The following RERE variants were observed in gnomAD, a reference collection of about 807,000 sequenced individuals.
RERE encodes arginine-glutamic acid dipeptide repeats protein.
A neutral mutation model predicts 146.1 loss-of-function variants in RERE; 40 were observed. That is an observed-to-expected ratio of 0.27 (90% confidence interval 0.21 to 0.36). The LOEUF (loss-of-function observed/expected upper bound fraction) is 0.36. Ranked by LOEUF, RERE falls within the 10% of genes least tolerant of loss-of-function variation. RERE has a pLI of 1.00. For synonymous variants in RERE, 1,003 were observed against 866.0 expected, an observed-to-expected ratio of 1.16 and a Z score of -2.78; for missense variants, 1,933 against 2,138.7, an observed-to-expected ratio of 0.90 and a Z score of 1.90.
intron 1 of RERE, among the ~76,000 whole-genome samples, chr1:8,754,288 T>C (rs1640593801): frequency 6.6e-6 from 1 of 152,094 alleles, no homozygotes; most frequent in East Asian, 1.9e-4. Flanking sequence ...TTGCAGAGTA[T>C]GTGTGTTCAA....
intron 1 of RERE, among the ~76,000 whole-genome samples, chr1:8,684,434 C>T (rs868309060): frequency 4.6e-5 from 7 of 152,014 alleles, no homozygotes; most frequent in Non-Finnish European, 1.0e-4. Context: ...ACCCCGCCCT[C>T]CTCTCATATG....
In RERE at chr1:8,355,305, G is replaced by A. The variant is rs549666374; in HGVS notation, c.4667+114C>T. ...TCTCCCATCACCATGGTTCCACAAT[G>A]TCCCCTCCAGGGCCCAGCAGGCAGA... On this transcript the variant is annotated intron_variant, in intron 22 of 22. Transcript: ENST00000400908. 17 of 1,242,178 alleles carry A rather than the reference G, an allele frequency of 1.4e-5. No homozygotes were observed. In the South Asian group the frequency reaches 1.9e-4, roughly 14 times the overall value. 76.9% of individuals were successfully genotyped at this position (1,242,178 alleles called of 1,614,324 possible).
At chr1:8,575,521 A>C (rs1646280582) in intron 4 of RERE, among the ~76,000 whole-genome samples, 1 of 142,512 alleles carries the variant, frequency 7.0e-6, no homozygotes, top group Non-Finnish European at 1.5e-5. Flanking sequence ...GTGCCACCAC[A>C]CCTGGCTAAT....
At chr1:8,476,584 G>A (rs778963227) in intron 10 of RERE, among the ~76,000 whole-genome samples, 17 of 152,202 alleles carry the variant, frequency 1.1e-4, no homozygotes, top group Non-Finnish European at 1.6e-4. Flanking sequence ...AAAGCTGATG[G>A]GGATGACATT....
At chr1:8,795,224 T>A (rs201869823) in intron 1 of RERE, among the ~76,000 whole-genome samples, 1 of 151,886 alleles carries the variant, frequency 6.6e-6, no homozygotes, top group South Asian at 2.1e-4. Context: ...TGGGGTTTCA[T>A]CATGTTGGCC....
At chr1:8,381,139 G>T (rs1004201795) in intron 12 of RERE, 2 of 380,994 alleles carry the variant, frequency 5.2e-6, no homozygotes, top group Non-Finnish European at 5.3e-6. Flanking sequence ...TTTCCGATGC[G>T]CCTGTTTCCA....
At chr1:8,577,756 T>A (rs992940729) in intron 4 of RERE, among the ~76,000 whole-genome samples, 1 of 152,182 alleles carries the variant, frequency 6.6e-6, no homozygotes, top group Non-Finnish European at 1.5e-5. Context: ...TCACTACATC[T>A]TATTCATTGT....
chr1:8,359,732 C>G lies in RERE; in HGVS notation c.3618+32G>C, dbSNP rs145738504. ...TCCCAGGCGCAGGATGGACCAGCGC[C>G]CCCCGTCACACCTCGCCAACCCTGG... On this transcript the variant is annotated intron_variant, in intron 19 of 22. Transcript: ENST00000400908. The G allele has an allele frequency of 5.6e-4, 897 of 1,594,528 alleles. 7 individuals are homozygous for G. The African/African-American group carries it at 0.011, about 19-fold the overall frequency.
At chr1:8,486,755 T>TAA (rs33956517) in intron 10 of RERE, among the ~76,000 whole-genome samples, 69,747 of 121,812 alleles carry the variant, frequency 0.57, 20,036 homozygotes, top group East Asian at 0.78. Flanking sequence ...GAGTCCATCT[T>TAA]AAAAAAAAAA....
intron 12 of RERE, among the ~76,000 whole-genome samples, chr1:8,399,767 T>A (rs149780225): frequency 3.9e-5 from 6 of 151,916 alleles, no homozygotes; most frequent in African/African-American, 4.8e-5. Context: ...TATCTACGTC[T>A]TTTTTTTAGG....
At chr1:8,764,378 CG>C (rs1557528406) in intron 1 of RERE, among the ~76,000 whole-genome samples, 7 of 152,096 alleles carry the variant, frequency 4.6e-5, no homozygotes, top group Non-Finnish European at 1.0e-4. Flanking sequence ...AATACTGCTT[CG>C]GGTACTAACT....
intron 9 of RERE, 85 bp downstream of exon 9, chr1:8,497,320 T>C: frequency 6.9e-7 from 1 of 1,456,758 alleles, no homozygotes; most frequent in Non-Finnish European, 9.4e-7. Flanking sequence ...AGAAATAAAA[T>C]CTCAGGGGAA....
chr1:8,676,784 G>A (rs1038166359), intron 1 of RERE, among the ~76,000 whole-genome samples: 1 of 152,208 alleles, frequency 6.6e-6, no homozygotes, highest in Non-Finnish European at 1.5e-5. Context: ...ACTTGAACTG[G>A]AGGAAAACGT....
chr1:8,360,174 T>G lies in RERE; in HGVS notation c.3333A>C (p.Pro1111=). ...AEEPESPPPP[P]RSPSPEPTVV... ...CAGTGGGCTCCGGGGACGGGCTCCTTGGTGGGGGAGGGGGGCTCTCAGGCT... is the reference window on the plus strand; with the variant it reads ...CAGTGGGCTCCGGGGACGGGCTCCTGGGTGGGGGAGGGGGGCTCTCAGGCT... The change falls in exon 18 of 23, where the codon CCA becomes CCC. Residue 1111 remains proline (P), a synonymous_variant. Coordinates refer to ENST00000400908, the MANE Select transcript of RERE (RefSeq NM_001042681.2). The G allele has an allele frequency of 6.3e-7, 1 of 1,599,120 alleles. No individual in the cohort carries two copies. The highest frequency in any genetic ancestry group is 8.5e-7 in the Non-Finnish European group (1 of 1,173,586).
chr1:8,578,686 T>C (rs914140971), intron 4 of RERE, among the ~76,000 whole-genome samples: 1 of 152,084 alleles, frequency 6.6e-6, no homozygotes, highest in African/African-American at 2.4e-5. Context: ...TTTCTCACCT[T>C]TCAAGTGTCA....
At chr1:8,706,969 T>C (rs1428814589) in intron 1 of RERE, among the ~76,000 whole-genome samples, 5 of 152,222 alleles carry the variant, frequency 3.3e-5, no homozygotes, top group Admixed American at 6.5e-5. Flanking sequence ...ATATTAGATA[T>C]ACCACATCCC....
intron 7 of RERE, among the ~76,000 whole-genome samples, chr1:8,517,645 G>C (rs183408660): frequency 6.6e-6 from 1 of 152,096 alleles, no homozygotes; most frequent in Admixed American, 6.5e-5. Flanking sequence ...AACAATAATG[G>C]TAAGTTGTTG....
chr1:8,726,137 TTTTTC>T (rs1454857353), intron 1 of RERE, among the ~76,000 whole-genome samples: 28 of 144,942 alleles, frequency 1.9e-4, no homozygotes, highest in African/African-American at 6.5e-4. Flanking sequence ...CAGTTTTCCT[TTTTTC>T]TTTTCTTTTT....
intron 4 of RERE, among the ~76,000 whole-genome samples, chr1:8,568,333 T>A (rs1308974436): frequency 6.6e-6 from 1 of 152,176 alleles, no homozygotes; most frequent in East Asian, 1.9e-4. Context: ...GCTTTTGAAC[T>A]TGAACTGAGC....
Sources: allele counts gnomAD v4.1 joint callset (sites outside exome capture counted in the v4.1 genomes callset), GRCh38; gene constraint gnomAD v4.1.1; transcripts MANE v1.5; gene names NCBI Gene and HGNC (gene_info 2026-07-23, HGNC 2026-07-21).